PCDHA7: variants seen among roughly 807,000 people sequenced by gnomAD.
PCDHA7 encodes protocadherin alpha 7.
In PCDHA7, 37 loss-of-function variants were observed where a neutral mutation model predicts 57.2. The observed-to-expected ratio is 0.65, with a 90% CI of 0.50 to 0.85. The LOEUF (loss-of-function observed/expected upper bound fraction) is 0.85. Among genes scored for constraint, PCDHA7 ranks in the 40% least tolerant of loss-of-function variants. The pLI, the probability that PCDHA7 is intolerant of heterozygous loss-of-function variation, is 0.00. For missense variants in PCDHA7, 1,188 were observed against 1,241.8 expected, an observed-to-expected ratio of 0.96 and a Z score of 0.65; for synonymous variants, 553 against 558.8, an observed-to-expected ratio of 0.99 and a Z score of 0.15.
At chr5:140,869,457 T>A (rs1554163081) in intron 1 of PCDHA7, 2 of 1,614,184 alleles carry the variant, frequency 1.2e-6, no homozygotes, top group Non-Finnish European at 1.7e-6. Flanking sequence ...AGGTTTTCCA[T>A]GTGAACGTGG....
chr5:140,975,461 G>A (rs2096668419), intron 1 of PCDHA7, among the ~76,000 whole-genome samples: 1 of 152,196 alleles, frequency 6.6e-6, no homozygotes, highest in Non-Finnish European at 1.5e-5. Context: ...GGCCATCTTG[G>A]AATTCTGCCT....
intron 1 of PCDHA7, among the ~76,000 whole-genome samples, chr5:140,945,480 C>A (rs2093795468): frequency 6.6e-6 from 1 of 151,728 alleles, no homozygotes; most frequent in South Asian, 2.1e-4. Context: ...CACAAAACAC[C>A]CCAAATACCC....
At chr5:140,919,069 A>G (rs2078992601) in intron 1 of PCDHA7, among the ~76,000 whole-genome samples, 1 of 152,200 alleles carries the variant, frequency 6.6e-6, no homozygotes, top group African/African-American at 2.4e-5. Context: ...TAAAGTCTCC[A>G]GTTATGACTA....
At chr5:140,876,549 G>A in intron 1 of PCDHA7, 2 of 1,614,206 alleles carry the variant, frequency 1.2e-6, no homozygotes, top group Non-Finnish European at 1.7e-6. Flanking sequence ...CGCTCCCTGT[G>A]CAAGAGGATG....
At chr5:140,963,685 C>T (rs1272143166) in intron 1 of PCDHA7, among the ~76,000 whole-genome samples, 19 of 152,220 alleles carry the variant, frequency 1.2e-4, no homozygotes, top group Middle Eastern at 3.4e-3. Flanking sequence ...TGTGTTTATC[C>T]GTGTTTGATA....
chr5:140,924,907 A>AAT (rs1554202344), intron 1 of PCDHA7, among the ~76,000 whole-genome samples: 14 of 50,940 alleles, frequency 2.7e-4, no homozygotes, highest in African/African-American at 6.9e-4. Context: ...AAAAAAAAAT[A>AAT]AAATAAAATA....
intron 1 of PCDHA7, chr5:140,870,238 G>A: frequency 6.2e-7 from 1 of 1,614,162 alleles, no homozygotes; most frequent in Non-Finnish European, 8.5e-7. Context: ...CCGTGACTCA[G>A]GTGTCAACGG....
intron 1 of PCDHA7, chr5:140,927,356 G>C: frequency 6.2e-7 from 1 of 1,614,076 alleles, no homozygotes. Context: ...GACGAGGGAA[G>C]CAATGGGATA....
chr5:140,943,800 A>G (rs1470801059), intron 1 of PCDHA7, among the ~76,000 whole-genome samples: 1 of 152,218 alleles, frequency 6.6e-6, no homozygotes, highest in East Asian at 1.9e-4. Flanking sequence ...GCAAAGCAAA[A>G]GAGGAAAGTT....
At chr5:140,982,807 G>A (rs2097006971) in intron 3 of PCDHA7, among the ~76,000 whole-genome samples, 2 of 152,048 alleles carry the variant, frequency 1.3e-5, no homozygotes, top group South Asian at 4.1e-4. Flanking sequence ...GTGTGTGTGT[G>A]TGTATGAAGT....
intron 1 of PCDHA7, chr5:140,875,972 T>C (rs782102743): frequency 3.1e-6 from 5 of 1,614,068 alleles, no homozygotes; most frequent in Non-Finnish European, 4.2e-6. Flanking sequence ...GTAAACTCTC[T>C]TTTGACCTAT....
At chr5:140,920,093 T>C (rs1289681170) in intron 1 of PCDHA7, among the ~76,000 whole-genome samples, 1 of 152,176 alleles carries the variant, frequency 6.6e-6, no homozygotes, top group African/African-American at 2.4e-5. Flanking sequence ...GTAGAGCCTC[T>C]AAAGGGAGTG....
At chr5:140,952,847 T>C (rs1199940738) in intron 1 of PCDHA7, among the ~76,000 whole-genome samples, 1 of 152,160 alleles carries the variant, frequency 6.6e-6, no homozygotes, top group Middle Eastern at 3.2e-3. Flanking sequence ...TCTGCTTGTC[T>C]TCTGGGGAGG....
chr5:140,991,310 C>T (rs1450251256), intron 3 of PCDHA7, among the ~76,000 whole-genome samples: 2 of 152,140 alleles, frequency 1.3e-5, no homozygotes, highest in Admixed American at 6.5e-5. Flanking sequence ...TATCTTGTCC[C>T]GCATGATACA....
chr5:140,876,165 C>T (rs782073467), intron 1 of PCDHA7: 4 of 1,613,944 alleles, frequency 2.5e-6, no homozygotes, highest in Admixed American at 1.7e-5. Flanking sequence ...TTCAAATAAC[C>T]GTCCTGGATG....
Position 140,843,585 on chromosome 5 carries a change from C to T in PCDHA7, c.2355+6847C>T, listed in dbSNP as rs2150363108. ...AGCTGGTCATACTCGCAACAACAGC[C>T]GCAGAGGGTGTGCTCTGGTGAGGGG... On this transcript the variant is annotated intron_variant, in intron 1 of 3. Coordinates refer to ENST00000525929, the MANE Select transcript of PCDHA7 (RefSeq NM_018910.3). 2.5e-6 allele frequency: 4 copies of T among 1,596,014 alleles called. No homozygotes were observed. The South Asian group carries it at 4.4e-5, about 18-fold the overall frequency.
chr5:140,969,536 C>A, intron 1 of PCDHA7: 1 of 1,332,634 alleles, frequency 7.5e-7, no homozygotes, highest in South Asian at 1.6e-5. Flanking sequence ...TTTTCATTTT[C>A]AGAGGCATGA....
In PCDHA7 at chr5:140,836,577, T is replaced by A; in HGVS notation, c.2194T>A (p.Cys732Ser). The change falls in exon 1 of 4, where the codon TGT (cysteine) becomes AGT (serine). Residue 732 changes from cysteine (C) to serine (S), a missense_variant. Around this residue, in one of 3 missense-constraint regions of PCDHA7, gnomAD observed 892 missense variants for 788.5 expected, o/e 1.13. Transcript: ENST00000525929. ...CTCAGCGCCGTCCTCTGAGGGCGCA[T>A]GTAGTTTGGTAAAGCCCACTCTGGT... is the stretch of plus-strand genomic sequence containing the variant. ...RCSAPSSEGA[C>S]SLVKPTLVCS... 6.2e-7 allele frequency: 1 copy of A among 1,613,654 alleles called. No individual in the cohort carries two copies. The highest frequency in any genetic ancestry group is 2.2e-5 in the East Asian group (1 of 44,844).
intron 1 of PCDHA7, chr5:140,849,050 CAA>C: frequency 6.4e-7 from 1 of 1,560,214 alleles, no homozygotes. Context: ...TGCCAACCAG[CAA>C]CCAGCAGGTA....
Sources: gnomAD v4.1 joint callset for allele counts (sites outside exome capture counted in the v4.1 genomes callset) on GRCh38, gnomAD v4.1.1 for gene constraint, gnomAD v4.1.1 regional missense constraint, MANE v1.5 for transcripts, NCBI Gene and HGNC (gene_info 2026-07-23, HGNC 2026-07-21) for gene names.